DCHS2: variants seen among roughly 807,000 people sequenced by gnomAD.
DCHS2 encodes dachsous cadherin-related 2.
A neutral mutation model predicts 182.4 loss-of-function variants in DCHS2; 142 were observed. That is an observed-to-expected ratio of 0.78 (90% CI 0.68 to 0.89). The LOEUF is 0.89. DCHS2 is among the 40% of genes least tolerant of loss of function. The pLI is 0.00. For missense variants in DCHS2, 4,319 were observed against 4,198.6 expected, an observed-to-expected ratio of 1.03 and a Z score of -0.79; for synonymous variants, 1,740 against 1,663.3, an observed-to-expected ratio of 1.05 and a Z score of -1.12.
Position 154,234,890 on chromosome 4 carries a change from A to C in DCHS2, c.9762T>G (p.Ile3254Met). 1 of 1,614,040 alleles carries C rather than the reference A, an allele frequency of 6.2e-7. No individual in the cohort carries two copies. The highest frequency in any genetic ancestry group is 8.5e-7 in the Non-Finnish European group (1 of 1,179,966). ...GCAAATGTTCATCCTTTAGTTTTGC[A>C]ATATCATTAAATACTGAGGCAAGAG... is the stretch of plus-strand genomic sequence containing the variant. Reference protein sequence around the residue: ...FQPLASVFNDIAKLKDEHLHM... With the variant: ...FQPLASVFNDMAKLKDEHLHM... The change falls in exon 20 of 20, where the codon ATT (isoleucine) becomes ATG (methionine). Residue 3254 changes from isoleucine (I) to methionine (M), a missense_variant. By Grantham distance (10) the Ile-to-Met change is conservative. Transcript: ENST00000357232.
intron 1 of DCHS2, among the ~76,000 whole-genome samples, chr4:154,423,170 G>T (rs1225479646): frequency 6.6e-6 from 1 of 152,088 alleles, no homozygotes; most frequent in Non-Finnish European, 1.5e-5. Flanking sequence ...ACCTTGAAAA[G>T]AAACTCTGTA....
intron 1 of DCHS2, among the ~76,000 whole-genome samples, chr4:154,458,731 A>G (rs11731813): frequency 0.22 from 33,995 of 152,128 alleles, 4,871 homozygotes; most frequent in East Asian, 0.65. Flanking sequence ...CTCTAAAGAA[A>G]ATAAAACAAA....
In DCHS2 at chr4:154,240,597, A is replaced by G. The variant is rs1414707218; in HGVS notation, c.7299T>C (p.Leu2433=). 1 of 1,613,924 alleles carries G rather than the reference A, an allele frequency of 6.2e-7. No homozygotes were observed. The highest frequency in any genetic ancestry group is 8.5e-7 in the Non-Finnish European group (1 of 1,179,910). Residue 2433 remains leucine, a synonymous_variant, in exon 18 of 20, where the codon CTT becomes CTC. Coordinates refer to ENST00000357232, the MANE Select transcript of DCHS2 (RefSeq NM_001358235.2). ...CATTGACATCCAGCACACGGACTAC[A>G]AGTGCTCCCTCTGTGTAGTGCACTG... The part of the protein sequence containing the change: ...SDSVHYTEGA[L]VVRVLDVNDN...
chr4:154,350,098 T>G (rs1027047159), intron 3 of DCHS2, among the ~76,000 whole-genome samples: 2 of 152,164 alleles, frequency 1.3e-5, no homozygotes, highest in African/African-American at 4.8e-5. Context: ...ATTGGAAACA[T>G]AAGGAAACGC....
intron 18 of DCHS2, 41 bp downstream of exon 18, chr4:154,240,496 T>C (rs758143950): frequency 1.3e-6 from 2 of 1,595,736 alleles, no homozygotes; most frequent in Non-Finnish European, 8.6e-7. Context: ...CTATTCTTTC[T>C]AGTTTTGGCT....
rs1196202615 is a variant in DCHS2, at chr4:154,322,277, A to G, written c.4176+54T>C. ...ATCTTCACTCTATAAACTTGTAATG[A>G]AAGTCAAATGAAATCTTTAGATGTC... On this transcript the variant is annotated intron_variant, in intron 8 of 19. Coordinates refer to ENST00000357232, the MANE Select transcript of DCHS2 (RefSeq NM_001358235.2). 9 of 1,607,660 alleles carry G rather than the reference A, an allele frequency of 5.6e-6. No homozygotes were observed. In the Admixed American group the frequency reaches 8.5e-5, roughly 15 times the overall value.
chr4:154,293,280 G>T (rs948765681), intron 13 of DCHS2, among the ~76,000 whole-genome samples: 2 of 151,802 alleles, frequency 1.3e-5, no homozygotes, highest in African/African-American at 4.8e-5. Flanking sequence ...TTGGCTTACC[G>T]CAACCTCTGC....
At position 154,298,640 on chromosome 4, in the gene DCHS2, C is replaced by G. The variant is rs749453667; in HGVS notation, c.5674G>C (p.Asp1892His). Residue 1892 changes from aspartate to histidine, a missense_variant, in exon 13 of 20, where the codon GAC (aspartate) becomes CAC (histidine). Transcript: ENST00000357232. ...GTAAAATTGCTGATTTGCTCCCGGTCCAAAGCACGAGTGGTTGAGAGTTCT... is the reference window on the plus strand; with the variant it reads ...GTAAAATTGCTGATTTGCTCCCGGTGCAAAGCACGAGTGGTTGAGAGTTCT... ...SGELSTTRAL[D>H]REQISNFTLV... The G allele has an allele frequency of 6.2e-7, 1 of 1,613,718 alleles. No individual in the cohort carries two copies. The highest frequency in any genetic ancestry group is 8.5e-7 in the Non-Finnish European group (1 of 1,179,812).
chr4:154,331,187 T>C (rs1736506492), intron 5 of DCHS2, among the ~76,000 whole-genome samples: 1 of 152,198 alleles, frequency 6.6e-6, no homozygotes, highest in African/African-American at 2.4e-5. Context: ...TTTCATATTC[T>C]TTAGCTCTTT....
chr4:154,449,818 G>A (rs1011300964), intron 1 of DCHS2, among the ~76,000 whole-genome samples: 1 of 151,980 alleles, frequency 6.6e-6, no homozygotes, highest in Non-Finnish European at 1.5e-5. Context: ...TTTCCCTTAG[G>A]GCATCATTTG....
intron 10 of DCHS2, among the ~76,000 whole-genome samples, chr4:154,305,778 A>G (rs1023527215): frequency 1.3e-5 from 2 of 152,092 alleles, no homozygotes; most frequent in African/African-American, 4.8e-5. Context: ...ATTATTATGC[A>G]TTTTGGAAAT....
intron 16 of DCHS2, among the ~76,000 whole-genome samples, chr4:154,247,083 A>T (rs748399663): frequency 5.3e-5 from 8 of 152,242 alleles, no homozygotes; most frequent in Non-Finnish European, 1.2e-4. Flanking sequence ...GCACAAGGAG[A>T]AACCCACATC....
At chr4:154,393,114 C>A (rs1257499502) in intron 1 of DCHS2, among the ~76,000 whole-genome samples, 1 of 152,074 alleles carries the variant, frequency 6.6e-6, no homozygotes, top group Non-Finnish European at 1.5e-5. Flanking sequence ...ATTAACTTAA[C>A]AAATGGTATC....
At chr4:154,442,340 C>T (rs1203745148) in intron 1 of DCHS2, among the ~76,000 whole-genome samples, 1 of 152,018 alleles carries the variant, frequency 6.6e-6, no homozygotes, top group African/African-American at 2.4e-5. Flanking sequence ...AGTCTCAATC[C>T]CTAGACTCTC....
At chr4:154,278,932 CA>C (rs888785569) in intron 13 of DCHS2, among the ~76,000 whole-genome samples, 1 of 151,530 alleles carries the variant, frequency 6.6e-6, no homozygotes, top group Non-Finnish European at 1.5e-5. Context: ...AATGAAAACA[CA>C]AAAAAATATA....
rs181524890 is a variant in DCHS2 at position 154,359,954 on chromosome 4, A to G, written c.2476+6256T>C. Among the ~76,000 whole-genome samples, 13 of 152,134 alleles carry G rather than the reference A, an allele frequency of 8.5e-5. 1 individual carries two copies. The highest frequency in any genetic ancestry group is 1.8e-4 in the Non-Finnish European group (12 of 67,940). On this transcript the variant is annotated intron_variant, in intron 3 of 19. Transcript: ENST00000357232. ...TTATTTAGTTGAATCAGTAGAACCT[A>G]TATTTATCTTAGCTTCATCTTTAGT...
In DCHS2 at chr4:154,410,193, GA is replaced by G. The variant is rs149810201; in HGVS notation, c.2053-32750del. On this transcript the variant is annotated intron_variant, in intron 1 of 19. Coordinates refer to ENST00000357232, the MANE Select transcript of DCHS2 (RefSeq NM_001358235.2). ...AGAAAAGTAAATTTATAAATTGCCT[GA>G]AAAAAAATTTAAAATAATAATCTTA... Among the ~76,000 whole-genome samples the G allele has an allele frequency of 1.9e-3, 289 of 151,792 alleles. 2 individuals are homozygous for G. The highest frequency in any genetic ancestry group is 0.014 in the Middle Eastern group (4 of 294).
rs1391357723 is a variant in DCHS2, at chr4:154,240,792, C to T, written c.7104G>A (p.Val2368=). 5.0e-6 allele frequency: 8 copies of T among 1,613,676 alleles called. No homozygotes were observed. The highest frequency in any genetic ancestry group is 8.5e-7 in the Non-Finnish European group (1 of 1,179,864). ...DSLPGVIVTH[V]SVHDVDLNSA... ...AATTCAAATCCACATCATGAACTGA[C>T]ACATGAGTCACAATTACACCAGGCA... is the stretch of plus-strand genomic sequence containing the variant. Residue 2368 remains valine, a synonymous_variant, in exon 18 of 20, where the codon GTG becomes GTA. Coordinates refer to ENST00000357232, the MANE Select transcript of DCHS2 (RefSeq NM_001358235.2).
At chr4:154,479,834 C>T (rs186871391) in intron 1 of DCHS2, among the ~76,000 whole-genome samples, 1 of 152,218 alleles carries the variant, frequency 6.6e-6, no homozygotes, top group Non-Finnish European at 1.5e-5. Context: ...ATGCTGGACG[C>T]TGATAGAGGC....
Sources: allele counts gnomAD v4.1 joint callset (sites outside exome capture counted in the v4.1 genomes callset), GRCh38; gene constraint gnomAD v4.1.1; transcripts MANE v1.5; gene names NCBI Gene and HGNC (gene_info 2026-07-23, HGNC 2026-07-21).